VPS13B: variants seen among roughly 807,000 people sequenced by gnomAD.
VPS13B encodes the protein vacuolar protein sorting 13 homolog B.
A neutral mutation model predicts 426.4 loss-of-function variants in VPS13B; 285 were observed. The observed-to-expected ratio is 0.67, with a 90% CI of 0.61 to 0.74. The LOEUF (loss-of-function observed/expected upper bound fraction) is 0.74, where lower values mean the gene tolerates loss of function less well. Ranked by LOEUF, VPS13B falls within the 30% of genes least tolerant of loss-of-function variation. VPS13B has a pLI of 0.00. For missense variants in VPS13B, 4,537 were observed against 4,782.6 expected, an observed-to-expected ratio of 0.95 and a Z score of 1.51; for synonymous variants, 1,676 against 1,676.4, an observed-to-expected ratio of 1.00 and a Z score of 0.01.
intron 19 of VPS13B, among the ~76,000 whole-genome samples, chr8:99,296,652 A>G (rs1036364992): frequency 6.6e-6 from 1 of 152,178 alleles, no homozygotes; most frequent in Non-Finnish European, 1.5e-5. Context: ...TTAATCACCA[A>G]TGTGATAATA....
intron 33 of VPS13B, among the ~76,000 whole-genome samples, chr8:99,640,975 G>A (rs1563839476): frequency 1.3e-5 from 2 of 152,094 alleles, no homozygotes; most frequent in Admixed American, 6.6e-5. Context: ...AAATATCTAG[G>A]TGCAGAATAG....
chr8:99,568,852 C>G lies in VPS13B; in HGVS notation c.4950-6806C>G, dbSNP rs188686298. ...TTTGAGATGGAGTCTTGCTCTATCG[C>G]CCAGGCTGGAGTGCAGTGGCGCAAT... On this transcript the variant is annotated intron_variant, in intron 31 of 61. Coordinates refer to ENST00000357162, the MANE Select transcript of VPS13B (RefSeq NM_152564.5). Among the ~76,000 whole-genome samples the G allele has an allele frequency of 8.3e-4, 125 of 150,374 alleles. 1 individual carries two copies. The highest frequency in any genetic ancestry group is 1.5e-4 in the Non-Finnish European group (10 of 67,710).
intron 2 of VPS13B, among the ~76,000 whole-genome samples, chr8:99,025,029 G>A (rs1210764525): frequency 6.6e-6 from 1 of 151,656 alleles, no homozygotes; most frequent in African/African-American, 2.4e-5. Context: ...TTATTCTAAG[G>A]TATTTTATTT....
At chr8:99,262,309 A>G (rs1460709308) in intron 17 of VPS13B, among the ~76,000 whole-genome samples, 1 of 151,978 alleles carries the variant, frequency 6.6e-6, no homozygotes, top group Non-Finnish European at 1.5e-5. Flanking sequence ...GGGTCACTAC[A>G]TCTGTTTTTT....
intron 30 of VPS13B, among the ~76,000 whole-genome samples, chr8:99,522,662 G>T (rs541882157): frequency 3.3e-5 from 5 of 151,912 alleles, no homozygotes; most frequent in Non-Finnish European, 7.4e-5. Context: ...GGGTAACTTG[G>T]GGTGACCCTG....
At chr8:99,373,674 A>G (rs914684753) in intron 19 of VPS13B, among the ~76,000 whole-genome samples, 4 of 152,192 alleles carry the variant, frequency 2.6e-5, no homozygotes, top group Admixed American at 6.5e-5. Flanking sequence ...CCTGGGCAAC[A>G]TAGTGAAACA....
At chr8:99,093,482 A>G (rs1846261611) in intron 3 of VPS13B, among the ~76,000 whole-genome samples, 1 of 151,500 alleles carries the variant, frequency 6.6e-6, no homozygotes, top group Non-Finnish European at 1.5e-5. Context: ...GCACCCACTA[A>G]CTTGTCATCT....
At position 99,562,269 on chromosome 8, in the gene VPS13B, G is replaced by GC. The variant is rs572661623; in HGVS notation, c.4949+5624dup. On this transcript the variant is annotated intron_variant, in intron 31 of 61. Coordinates refer to ENST00000357162, the MANE Select transcript of VPS13B (RefSeq NM_152564.5). ...TTGGAGAAAAGCTTATTTGTCTTTT[G>GC]CCCCCCCCATCCCCACCCCACGCTT... Among the ~76,000 whole-genome samples the GC allele has an allele frequency of 6.4e-3, 964 of 150,024 alleles. 8 individuals carry two copies. Among genetic ancestry groups the GC allele is most frequent in the African/African-American group, 0.021 (851 of 40,684 alleles).
At chr8:99,111,375 A>G (rs928989217) in intron 6 of VPS13B, 96 bp downstream of exon 6, 1 of 1,041,628 alleles carries the variant, frequency 9.6e-7, no homozygotes, top group Non-Finnish European at 1.4e-6. Context: ...GAAGAAATTA[A>G]CCTTGTAAAT....
At chr8:99,224,206 G>A (rs1423135654) in intron 17 of VPS13B, among the ~76,000 whole-genome samples, 1 of 151,834 alleles carries the variant, frequency 6.6e-6, no homozygotes, top group Non-Finnish European at 1.5e-5. Context: ...ATGCAGATGG[G>A]TTTTTTTTCT....
At chr8:99,716,008 G>C (rs1032089209) in intron 36 of VPS13B, among the ~76,000 whole-genome samples, 1 of 151,914 alleles carries the variant, frequency 6.6e-6, no homozygotes, top group African/African-American at 2.4e-5. Context: ...TTATTTGTTT[G>C]TTTAGACTAA....
chr8:99,363,118 T>G (rs1230084795), intron 19 of VPS13B, among the ~76,000 whole-genome samples: 1 of 152,206 alleles, frequency 6.6e-6, no homozygotes, highest in African/African-American at 2.4e-5. Flanking sequence ...TTACTTTTAG[T>G]AGTTTCGTAG....
intron 5 of VPS13B, among the ~76,000 whole-genome samples, chr8:99,106,537 G>C (rs1367375176): frequency 1.3e-5 from 2 of 150,728 alleles, no homozygotes; most frequent in African/African-American, 4.9e-5. Flanking sequence ...CCACCACCAA[G>C]CTCAAGAAAT....
intron 13 of VPS13B, among the ~76,000 whole-genome samples, chr8:99,143,583 G>A (rs1810547606): frequency 6.6e-6 from 1 of 151,998 alleles, no homozygotes; most frequent in Admixed American, 6.6e-5. Context: ...TTTTCTACAT[G>A]GTAGATAGCT....
At chr8:99,462,036 G>T (rs1220144793) in intron 23 of VPS13B, among the ~76,000 whole-genome samples, 1 of 151,904 alleles carries the variant, frequency 6.6e-6, no homozygotes, top group Non-Finnish European at 1.5e-5. Context: ...TCTTTATACT[G>T]CTGCCAATGC....
chr8:99,568,617 A>G (rs1341032440), intron 31 of VPS13B, among the ~76,000 whole-genome samples: 1 of 151,782 alleles, frequency 6.6e-6, no homozygotes, highest in South Asian at 2.1e-4. Context: ...AAGTTCCTAT[A>G]GGATTTAAAT....
chr8:99,500,660 A>G (rs935263312), intron 25 of VPS13B, among the ~76,000 whole-genome samples: 1 of 152,166 alleles, frequency 6.6e-6, no homozygotes, highest in Non-Finnish European at 1.5e-5. Context: ...CTTTTAAACA[A>G]ATAAGAATGT....
chr8:99,511,228 A>C lies in VPS13B; in HGVS notation c.4349A>C (p.His1450Pro). 1.9e-6 allele frequency: 3 copies of C among 1,614,132 alleles called. No homozygotes were observed. Among genetic ancestry groups the C allele is most frequent in the Non-Finnish European group, 2.5e-6 (3 of 1,179,994 alleles). ...TCAAGAAATGAGCGAAGAAGTTTTC[A>C]TAAGTTATCTGAAGGCCTAATGGAT... ...LTSRNERRSF[H>P]KLSEGLMDGS... The change falls in exon 29 of 62, where the codon CAT becomes CCT. Residue 1450 changes from histidine (H) to proline (P), a missense_variant. His to Pro is a moderately conservative substitution (Grantham distance 77, BLOSUM62 -2). Around this residue, in one of 2 missense-constraint regions of VPS13B, gnomAD observed 4,311 missense variants for 4,474.3 expected, o/e 0.96. Transcript: ENST00000357162.
chr8:99,597,646 CAA>C (rs1347963789), intron 33 of VPS13B, among the ~76,000 whole-genome samples: 3 of 151,910 alleles, frequency 2.0e-5, no homozygotes, highest in East Asian at 1.9e-4. Flanking sequence ...TGATGACAAA[CAA>C]GAGGAGAAAA....
Sources: allele counts gnomAD v4.1 joint callset (sites outside exome capture counted in the v4.1 genomes callset), GRCh38; gene constraint gnomAD v4.1.1; regional missense constraint gnomAD v4.1.1; transcripts MANE v1.5; gene names NCBI Gene and HGNC (gene_info 2026-07-23, HGNC 2026-07-21).